PSMA1: variants seen among roughly 807,000 people sequenced by gnomAD.
PSMA1 encodes the protein proteasome subunit alpha type-1.
PSMA1 carries 3 observed loss-of-function variants against 38.4 expected under a neutral mutation model. That is an observed-to-expected ratio of 0.08 (90% confidence interval 0.04 to 0.20). PSMA1 has a LOEUF of 0.20. PSMA1 is among the 10% of genes least tolerant of loss of function. The pLI, the probability that PSMA1 is intolerant of heterozygous loss-of-function variation, is 1.00. For synonymous variants in PSMA1, 101 were observed against 107.1 expected, an observed-to-expected ratio of 0.94 and a Z score of 0.35; for missense variants, 227 against 325.3, an observed-to-expected ratio of 0.70 and a Z score of 2.32.
intron 2 of PSMA1, among the ~76,000 whole-genome samples, chr11:14,544,297 G>A (rs1390263329): frequency 6.6e-6 from 1 of 152,174 alleles, no homozygotes; most frequent in Non-Finnish European, 1.5e-5. Flanking sequence ...GCCTCTCAAA[G>A]TGCTGGGATT....
chr11:14,514,615 CAG>C, intron 4 of PSMA1, 124 bp from the exon 5 acceptor site: 2 of 753,120 alleles, frequency 2.7e-6, no homozygotes, highest in Non-Finnish European at 3.9e-6. Flanking sequence ...ATAAGAAAAA[CAG>C]AAGGTAAGAA....
chr11:14,518,852 C>T, intron 2 of PSMA1, 145 bp downstream of exon 2: 5 of 654,276 alleles, frequency 7.6e-6, no homozygotes, highest in South Asian at 4.3e-5. Flanking sequence ...CATCAGGAAA[C>T]CTATTTTAAT....
chr11:14,512,675 C>A (rs1357961669), intron 7 of PSMA1, among the ~76,000 whole-genome samples: 1 of 152,146 alleles, frequency 6.6e-6, no homozygotes, highest in African/African-American at 2.4e-5. Context: ...CATAAGGAAG[C>A]CTGCACATAG....
At chr11:14,529,021 C>G (rs1192451929) in intron 2 of PSMA1, among the ~76,000 whole-genome samples, 1 of 150,802 alleles carries the variant, frequency 6.6e-6, no homozygotes, top group Non-Finnish European at 1.5e-5. Context: ...GTTGCTCACA[C>G]AAAGCCTGTT....
In PSMA1 at chr11:14,609,006, G is replaced by A. The variant is rs536092581; in HGVS notation, c.21+1960C>T. ...GTCCTGGTCAAGAGAAGGCAGATGT[G>A]GTGTTCGTTTCCCTCAGTAGCGCAG... On this transcript the variant is annotated intron_variant, in intron 2 of 10. Coordinates refer to the PSMA1 transcript ENST00000418988. 3.3e-5 allele frequency among the ~76,000 whole-genome samples: 5 copies of A among 152,248 alleles called. No individual in the cohort carries two copies. The East Asian group carries it at 7.7e-4, about 23-fold the overall frequency.
At chr11:14,619,096 C>G (rs1229986277) in intron 1 of PSMA1, among the ~76,000 whole-genome samples, 1 of 152,062 alleles carries the variant, frequency 6.6e-6, no homozygotes, top group Non-Finnish European at 1.5e-5. Context: ...AAACATGGCC[C>G]TTACATTTAA....
chr11:14,544,244 G>A (rs376541813), intron 2 of PSMA1, among the ~76,000 whole-genome samples: 2 of 152,200 alleles, frequency 1.3e-5, no homozygotes, highest in African/African-American at 2.4e-5. Context: ...TTGCTGCCCA[G>A]GCTGGTCACA....
chr11:14,638,452 T>G (rs1291757170), intron 1 of PSMA1, among the ~76,000 whole-genome samples: 1 of 144,922 alleles, frequency 6.9e-6, no homozygotes, highest in Non-Finnish European at 1.5e-5. Context: ...CCTTTTGAGC[T>G]CCTCTTGCAA....
chr11:14,610,550 C>T (rs1169128926), intron 2 of PSMA1, among the ~76,000 whole-genome samples: 2 of 152,210 alleles, frequency 1.3e-5, no homozygotes, highest in African/African-American at 4.8e-5. Context: ...TCATGTACTA[C>T]ATAAGACCTT....
intron 2 of PSMA1, among the ~76,000 whole-genome samples, chr11:14,589,547 T>C (rs1852387923): frequency 6.6e-6 from 1 of 151,870 alleles, no homozygotes; most frequent in Non-Finnish European, 1.5e-5. Flanking sequence ...GTACTGTTAC[T>C]CCCCAGACCC....
intron 4 of PSMA1, among the ~76,000 whole-genome samples, chr11:14,516,720 G>A (rs914756387): frequency 2.0e-5 from 3 of 152,154 alleles, no homozygotes; most frequent in Non-Finnish European, 2.9e-5. Flanking sequence ...GAGGTCAGGA[G>A]TTCAAGACTA....
chr11:14,514,133 G>A, intron 5 of PSMA1: 3 of 1,320,524 alleles, frequency 2.3e-6, no homozygotes, highest in Non-Finnish European at 2.9e-6. Flanking sequence ...TGGATACAAG[G>A]GGTCTAGGAT....
At chr11:14,602,231 C>G (rs752650703) in intron 2 of PSMA1, among the ~76,000 whole-genome samples, 1 of 152,062 alleles carries the variant, frequency 6.6e-6, no homozygotes, top group Non-Finnish European at 1.5e-5. Flanking sequence ...TGATAGAGAC[C>G]GTTTCCCAGA....
intron 1 of PSMA1, among the ~76,000 whole-genome samples, chr11:14,637,069 T>TACC (rs751987770): frequency 1.3e-5 from 2 of 152,330 alleles, no homozygotes; most frequent in Non-Finnish European, 2.9e-5. Context: ...AACAGTTCCT[T>TACC]ACCACCTACA....
At chr11:14,598,011 G>A (rs1852523701) in intron 2 of PSMA1, among the ~76,000 whole-genome samples, 1 of 152,170 alleles carries the variant, frequency 6.6e-6, no homozygotes, top group East Asian at 1.9e-4. Flanking sequence ...TATTTACCCA[G>A]TAGTCACTCA....
intron 1 of PSMA1, among the ~76,000 whole-genome samples, chr11:14,630,273 C>T (rs971745208): frequency 5.1e-4 from 77 of 152,234 alleles, no homozygotes; most frequent in African/African-American, 1.8e-3. Flanking sequence ...CCAGTTTTTG[C>T]CCATTCAGTA....
At chr11:14,578,101 C>T (rs1196251412) in intron 2 of PSMA1, among the ~76,000 whole-genome samples, 2 of 152,078 alleles carry the variant, frequency 1.3e-5, no homozygotes, top group Admixed American at 6.5e-5. Context: ...GGAGGGATAG[C>T]ATTAGGAGAA....
intron 2 of PSMA1, among the ~76,000 whole-genome samples, chr11:14,606,837 T>C (rs987808832): frequency 2.6e-5 from 4 of 152,160 alleles, no homozygotes; most frequent in African/African-American, 9.7e-5. Context: ...AAAAAATAAA[T>C]AGCAGTCACA....
At chr11:14,638,543 CTCTATATATATATATATA>C (rs1170138169) in intron 1 of PSMA1, among the ~76,000 whole-genome samples, 17 of 13,318 alleles carry the variant, frequency 1.3e-3, no homozygotes, top group East Asian at 4.7e-3. Flanking sequence ...CTCTCTCTCT[CTCTATATATATATATATA>C]TATATATATA....
Sources: gnomAD v4.1 joint callset for allele counts (sites outside exome capture counted in the v4.1 genomes callset) on GRCh38, gnomAD v4.1.1 for gene constraint, MANE v1.5 for transcripts, NCBI Gene and HGNC (gene_info 2026-07-23, HGNC 2026-07-21) for gene names.